Variants in HAPLN3 observed in about 807,000 individuals in gnomAD.
The protein encoded by HAPLN3 is extracellular link domain containing, 1.
HAPLN3 carries 28 observed loss-of-function variants against 28.1 expected under a neutral mutation model. That is an observed-to-expected ratio of 1.00 (90% CI 0.74 to 1.37). HAPLN3 has a LOEUF of 1.37. Among genes scored for constraint, HAPLN3 ranks in the 40% most tolerant of loss-of-function variants. The pLI is 0.00. For missense variants in HAPLN3, 513 were observed against 504.6 expected (o/e 1.02, Z -0.16); for synonymous variants, 211 against 213.1 (o/e 0.99, Z 0.09).
At chr15:88,892,249 G>A (rs1434360919) in intron 1 of HAPLN3, among the ~76,000 whole-genome samples, 1 of 152,102 alleles carries the variant, frequency 6.6e-6, no homozygotes, top group Non-Finnish European at 1.5e-5. Flanking sequence ...CTGAGGTCAG[G>A]AGTTTGAGAC....
In HAPLN3 at chr15:88,880,274, C is replaced by G; in HGVS notation, c.494-1005G>C. The G allele has an allele frequency of 9.4e-7, 1 of 1,058,678 alleles. No homozygotes were observed. The highest frequency in any genetic ancestry group is 1.1e-6 in the Non-Finnish European group (1 of 872,602). The allele number at this position is 1,058,678 out of a possible 1,614,324, so 65.6% of individuals were successfully genotyped here. ...CCCTGCAGACCCCAGACCAATGACT[C>G]TTGCAGGTTCTCCCCAACTCCACTG... On this transcript the variant is annotated intron_variant, in intron 3 of 4. Coordinates refer to ENST00000359595, the MANE Select transcript of HAPLN3 (RefSeq NM_178232.4). The surrounding 1 kb of genome is among the most constrained non-coding windows in gnomAD (Gnocchi z 6.0).
At position 88,878,370 on chromosome 15, in the gene HAPLN3, C is replaced by G. The variant is rs940384647; in HGVS notation, c.797-114G>C. 4.5e-6 allele frequency: 4 copies of G among 883,152 alleles called. No individual in the cohort carries two copies. The African/African-American group carries it at 6.7e-5, about 15-fold the overall frequency. 54.7% of individuals were successfully genotyped at this position (883,152 alleles called of 1,614,324 possible). ...CGTCTGAGCCCAGGGAGCTACCATA[C>G]TGCAGGCATCTGCAGAGAACACTTT... On this transcript the variant is annotated intron_variant, in intron 4 of 4. Transcript: ENST00000359595.
intron 1 of HAPLN3, chr15:88,892,976 T>C: frequency 6.5e-7 from 1 of 1,535,820 alleles, no homozygotes; most frequent in Non-Finnish European, 8.7e-7. Context: ...CCAGTCACCT[T>C]GGCAGTGGAT....
In HAPLN3 at chr15:88,887,315, G is replaced by C; in HGVS notation, c.-17C>G. The C allele has an allele frequency of 1.2e-6, 2 of 1,613,798 alleles. No individual in the cohort carries two copies. Among genetic ancestry groups the C allele is most frequent in the Non-Finnish European group, 1.7e-6 (2 of 1,179,804 alleles). ...CAGGCCCATCTCCTCATGCCAGGGTGACCCGGGCCAGGCTGGGGCCCCAGG... is the reference window on the plus strand; with the variant it reads ...CAGGCCCATCTCCTCATGCCAGGGTCACCCGGGCCAGGCTGGGGCCCCAGG... On this transcript the variant is annotated 5_prime_UTR_variant, in exon 2 of 5. Transcript: ENST00000359595.
intron 2 of HAPLN3, among the ~76,000 whole-genome samples, chr15:88,882,127 A>T (rs1897723001): frequency 6.6e-6 from 1 of 152,158 alleles, no homozygotes; most frequent in Admixed American, 6.5e-5. Context: ...GAACAGAGAC[A>T]GGGCGCCCCA....
In HAPLN3 at chr15:88,879,245, G is replaced by A; in HGVS notation, c.518C>T (p.Pro173Leu). ...LRGVVFPYQS[P>L]NGRYQFNFHE... ...GAAGTTGAACTGGTAGCGCCCGTTG[G>A]GGGACTGGTAAGGAAAGACCACACC... The change falls in exon 4 of 5, where the codon CCC (proline) becomes CTC (leucine). Residue 173 changes from proline (P) to leucine (L), a missense_variant. By Grantham distance (98) the Pro-to-Leu change is moderately conservative. Transcript: ENST00000359595. This position sits in a 1 kb window ranked among gnomAD's most constrained non-coding sequence, Gnocchi z 5.0. The A allele has an allele frequency of 1.2e-6, 2 of 1,608,582 alleles. No individual in the cohort carries two copies. Among genetic ancestry groups the A allele is most frequent in the Non-Finnish European group, 1.7e-6 (2 of 1,176,880 alleles).
intron 1 of HAPLN3, among the ~76,000 whole-genome samples, chr15:88,890,921 A>C (rs1897995678): frequency 6.6e-6 from 1 of 150,734 alleles, no homozygotes; most frequent in African/African-American, 2.5e-5. Flanking sequence ...TCTGTCGCCC[A>C]GGCTGGAGTG....
rs776803225 is a variant in HAPLN3 at position 88,887,332 on chromosome 15, G to A, written c.-34C>T. The A allele has an allele frequency of 1.2e-6, 2 of 1,612,464 alleles. No homozygotes were observed. The highest frequency in any genetic ancestry group is 1.7e-6 in the Non-Finnish European group (2 of 1,179,308). ...GCCAGGGTGACCCGGGCCAGGCTGG[G>A]GCCCCAGGGCAAACTGGGAAGGGGA... On this transcript the variant is annotated 5_prime_UTR_variant, in exon 2 of 5. Coordinates refer to ENST00000359595, the MANE Select transcript of HAPLN3 (RefSeq NM_178232.4).
At position 88,880,730 on chromosome 15, in the gene HAPLN3, G is replaced by A. The variant is rs536899043; in HGVS notation, c.493+627C>T. The A allele has an allele frequency of 5.4e-6, 2 of 373,574 alleles. No individual in the cohort carries two copies. The highest frequency in any genetic ancestry group is 4.3e-6 in the Non-Finnish European group (1 of 231,574). 23.1% of individuals were successfully genotyped at this position (373,574 alleles called of 1,614,324 possible). On this transcript the variant is annotated intron_variant, in intron 3 of 4. Transcript: ENST00000359595. This position sits in a 1 kb window ranked among gnomAD's most constrained non-coding sequence, Gnocchi z 6.0. Reference sequence around the variant, plus strand: ...GGGTTTTTGTTTTTGGTTTTGGGGGGGCTTTTTGTTTGTTTTTTGTTTTGT... The same window carrying A: ...GGGTTTTTGTTTTTGGTTTTGGGGGAGCTTTTTGTTTGTTTTTTGTTTTGT...
rs1348322283 is a variant in HAPLN3, at chr15:88,879,084, T to C, written c.679A>G (p.Met227Val). Residue 227 changes from methionine (M) to valine (V), a missense_variant, in exon 4 of 5, where the codon ATG (methionine) becomes GTG (valine). By Grantham distance (21) the Met-to-Val change is conservative. Coordinates refer to ENST00000359595, the MANE Select transcript of HAPLN3 (RefSeq NM_178232.4). This position sits in a 1 kb window ranked among gnomAD's most constrained non-coding sequence, Gnocchi z 5.0. ...CCACCGCAGGGCTGCCGGGGCAACA[T>C]GATGGGGTACTGCACCGTGGCATCC... ...LQDATVQYPI[M>V]LPRQPCGGPG... 1.9e-6 allele frequency: 3 copies of C among 1,610,246 alleles called. No homozygotes were observed. Among genetic ancestry groups the C allele is most frequent in the Non-Finnish European group, 2.5e-6 (3 of 1,178,372 alleles).
intron 1 of HAPLN3, among the ~76,000 whole-genome samples, chr15:88,894,890 A>G (rs74029048): frequency 0.26 from 39,998 of 152,090 alleles, 6,853 homozygotes; most frequent in African/African-American, 0.49. Context: ...CCCTGGGGCA[A>G]GAACCCCGGT....
At position 88,879,349 on chromosome 15, in the gene HAPLN3, C is replaced by T; in HGVS notation, c.494-80G>A. 3 of 1,590,188 alleles carry T rather than the reference C, an allele frequency of 1.9e-6. No homozygotes were observed. The highest frequency in any genetic ancestry group is 2.6e-6 in the Non-Finnish European group (3 of 1,175,518). ...ACACCCCGCTCTCCTCCCACCTTCA[C>T]TGGGACATGTGCTGCCTGCAACACA... On this transcript the variant is annotated intron_variant, in intron 3 of 4. Coordinates refer to ENST00000359595, the MANE Select transcript of HAPLN3 (RefSeq NM_178232.4). The surrounding 1 kb of genome is among the most constrained non-coding windows in gnomAD (Gnocchi z 5.0).
Position 88,880,174 on chromosome 15 carries a change from GCCT to G in HAPLN3, c.494-908_494-906del, listed in dbSNP as rs1897659480. On this transcript the variant is annotated intron_variant, in intron 3 of 4. Coordinates refer to ENST00000359595, the MANE Select transcript of HAPLN3 (RefSeq NM_178232.4). This position sits in a 1 kb window ranked among gnomAD's most constrained non-coding sequence, Gnocchi z 6.0. ...TGTGTTTGCAGGGGGACTATTTCATGCCTGGTTCCACCCCAAATTCCTAGCCCT... is the reference window on the plus strand; with the variant it reads ...TGTGTTTGCAGGGGGACTATTTCATGGGTTCCACCCCAAATTCCTAGCCCT... 4 of 995,262 alleles carry G rather than the reference GCCT, an allele frequency of 4.0e-6. No homozygotes were observed. In the African/African-American group the frequency reaches 7.0e-5, roughly 17 times the overall value. 61.7% of individuals were successfully genotyped at this position (995,262 alleles called of 1,614,324 possible). A position where few individuals can be genotyped will look rare whatever the true frequency, so the allele number is the denominator to read the frequency against.
At chr15:88,883,579 T>C (rs546907761) in intron 2 of HAPLN3, among the ~76,000 whole-genome samples, 2 of 152,344 alleles carry the variant, frequency 1.3e-5, no homozygotes, top group Admixed American at 1.3e-4. Flanking sequence ...TTAAGTAAAC[T>C]ACCTTTGAAG....
chr15:88,889,537 T>C lies in HAPLN3; in HGVS notation c.-47-2192A>G, dbSNP rs538470379. 1.1e-3 allele frequency among the ~76,000 whole-genome samples: 172 copies of C among 152,266 alleles called. 1 individual carries two copies. The highest frequency in any genetic ancestry group is 2.0e-3 in the Non-Finnish European group (136 of 68,018). ...TTTTTGTAGAGACGGGGTTTCACCATGTTAGCCAGGCTGGTCTCGAACTCC... is the reference window on the plus strand; with the variant it reads ...TTTTTGTAGAGACGGGGTTTCACCACGTTAGCCAGGCTGGTCTCGAACTCC... On this transcript the variant is annotated intron_variant, in intron 1 of 4. Transcript: ENST00000359595.
At chr15:88,886,503 A>T (rs1897859418) in intron 2 of HAPLN3, among the ~76,000 whole-genome samples, 1 of 152,234 alleles carries the variant, frequency 6.6e-6, no homozygotes, top group Admixed American at 6.5e-5. Flanking sequence ...GCCCAAGGCC[A>T]CACAGCTAGT....
At chr15:88,878,530 A>T (rs930393399) in intron 4 of HAPLN3, among the ~76,000 whole-genome samples, 1 of 152,158 alleles carries the variant, frequency 6.6e-6, no homozygotes, top group African/African-American at 2.4e-5. Context: ...GACCAGTCAG[A>T]GTCTCTTGCC....
chr15:88,882,563 T>A (rs147651370), intron 2 of HAPLN3, among the ~76,000 whole-genome samples: 97 of 152,166 alleles, frequency 6.4e-4, no homozygotes, highest in African/African-American at 2.1e-3. Context: ...CGGCTCAGAG[T>A]TACAAATACA....
At position 88,881,324 on chromosome 15, in the gene HAPLN3, C is replaced by G. The variant is rs530146260; in HGVS notation, c.493+33G>C. On this transcript the variant is annotated intron_variant, in intron 3 of 4. Coordinates refer to ENST00000359595, the MANE Select transcript of HAPLN3 (RefSeq NM_178232.4). This position sits in a 1 kb window ranked among gnomAD's most constrained non-coding sequence, Gnocchi z 6.0. Reference sequence around the variant, plus strand: ...GGTCCTCTCCCCTCTGCTCTCAGGTCCCAGTGTCACCCAGTCCCCGTTAGC... The same window carrying G: ...GGTCCTCTCCCCTCTGCTCTCAGGTGCCAGTGTCACCCAGTCCCCGTTAGC... 6.3e-7 allele frequency: 1 copy of G among 1,586,624 alleles called. No homozygotes were observed. Among genetic ancestry groups the G allele is most frequent in the East Asian group, 2.2e-5 (1 of 44,632 alleles).
Sources: allele counts gnomAD v4.1 joint callset (sites outside exome capture counted in the v4.1 genomes callset), GRCh38; gene constraint gnomAD v4.1.1; non-coding constraint Gnocchi (gnomAD v3.1); transcripts MANE v1.5; gene names NCBI Gene and HGNC (gene_info 2026-07-23, HGNC 2026-07-21).